GALNTL6: variants seen among roughly 807,000 people sequenced by gnomAD.
GALNTL6 encodes the protein polypeptide N-acetylgalactosaminyltransferase-like 6.
In GALNTL6, 46 loss-of-function variants were observed where a neutral mutation model predicts 73.7. The ratio of observed to expected loss-of-function variants is 0.62; its 90% CI spans 0.49 to 0.80. GALNTL6 has a LOEUF of 0.80. Ranked by LOEUF, GALNTL6 falls within the 30% of genes least tolerant of loss-of-function variation. The pLI is 0.00. For missense variants in GALNTL6, 604 were observed against 755.0 expected (o/e 0.80, Z 2.34); for synonymous variants, 259 against 263.7 (o/e 0.98, Z 0.17).
At chr4:172,180,235 T>G (rs1735195429) in intron 2 of GALNTL6, among the ~76,000 whole-genome samples, 1 of 152,160 alleles carries the variant, frequency 6.6e-6, no homozygotes, top group Admixed American at 6.5e-5. Context: ...TTGGCCACAT[T>G]AATGTTTTCT....
At chr4:171,834,186 T>G (rs72696929) in intron 2 of GALNTL6, among the ~76,000 whole-genome samples, 3,208 of 152,044 alleles carry the variant, frequency 0.021, 37 homozygotes, top group Middle Eastern at 0.038. Context: ...ATTCTAAGTA[T>G]AAGTATTTTC....
intron 4 of GALNTL6, 45 bp from the exon 5 acceptor site, chr4:172,348,478 A>C (rs1331291615): frequency 6.8e-7 from 1 of 1,475,890 alleles, no homozygotes; most frequent in African/African-American, 1.4e-5. Flanking sequence ...AAGATATACA[A>C]GAGTTTTGTA....
intron 2 of GALNTL6, among the ~76,000 whole-genome samples, chr4:172,130,135 G>C (rs1733446727): frequency 6.6e-6 from 1 of 150,914 alleles, no homozygotes; most frequent in South Asian, 2.1e-4. Context: ...CAAGGTGGGT[G>C]CCAGTCAGGT....
intron 3 of GALNTL6, among the ~76,000 whole-genome samples, chr4:172,255,214 T>G (rs912129478): frequency 2.0e-5 from 3 of 151,666 alleles, no homozygotes; most frequent in Non-Finnish European, 4.4e-5. Context: ...ACTGCTTAAT[T>G]TAGTCCTCAC....
chr4:172,586,536 A>G (rs943086413), intron 5 of GALNTL6, among the ~76,000 whole-genome samples: 1 of 152,042 alleles, frequency 6.6e-6, no homozygotes, highest in African/African-American at 2.4e-5. Context: ...CAGAATTGCT[A>G]AGAAAATATC....
intron 4 of GALNTL6, among the ~76,000 whole-genome samples, chr4:172,323,963 A>G (rs1363017840): frequency 1.3e-5 from 2 of 152,044 alleles, no homozygotes; most frequent in African/African-American, 4.8e-5. Flanking sequence ...TTGACACTCC[A>G]TCACTATTTC....
chr4:173,013,917 A>G (rs1250561121), intron 11 of GALNTL6, among the ~76,000 whole-genome samples: 1 of 152,220 alleles, frequency 6.6e-6, no homozygotes, highest in Non-Finnish European at 1.5e-5. Context: ...ACTCTTCTAC[A>G]TTTAGATTAA....
intron 2 of GALNTL6, among the ~76,000 whole-genome samples, chr4:171,919,773 C>T (rs747525777): frequency 7.9e-5 from 12 of 152,096 alleles, no homozygotes; most frequent in Non-Finnish European, 1.6e-4. Flanking sequence ...CCCAACACTA[C>T]GAAGGCCTTT....
chr4:172,403,943 A>G (rs1744127069), intron 5 of GALNTL6, among the ~76,000 whole-genome samples: 1 of 152,002 alleles, frequency 6.6e-6, no homozygotes. Context: ...GGAGAGGCAC[A>G]AAACTACCCA....
chr4:172,756,612 A>C, intron 5 of GALNTL6, among the ~76,000 whole-genome samples: 1 of 151,992 alleles, frequency 6.6e-6, no homozygotes, highest in Non-Finnish European at 1.5e-5. Flanking sequence ...GTCACTGCAC[A>C]CTACAGCCCG....
intron 2 of GALNTL6, among the ~76,000 whole-genome samples, chr4:171,874,902 A>T (rs1225143269): frequency 6.6e-6 from 1 of 152,342 alleles, no homozygotes; most frequent in Admixed American, 6.5e-5. Context: ...ATTATCAAAC[A>T]TCTATAGGGC....
At chr4:171,962,229 T>C (rs1739240543) in intron 2 of GALNTL6, among the ~76,000 whole-genome samples, 1 of 152,158 alleles carries the variant, frequency 6.6e-6, no homozygotes, top group Admixed American at 6.6e-5. Flanking sequence ...GAGAGAAATA[T>C]GTCAGAAGCA....
At chr4:172,203,363 A>G (rs1736015375) in intron 2 of GALNTL6, among the ~76,000 whole-genome samples, 1 of 152,214 alleles carries the variant, frequency 6.6e-6, no homozygotes, top group Admixed American at 6.5e-5. Context: ...CAAATTTGGC[A>G]GCGGAAACTT....
Position 172,402,803 on chromosome 4 carries a change from G to A in GALNTL6, c.553+54114G>A, listed in dbSNP as rs183743034. On this transcript the variant is annotated intron_variant, in intron 5 of 12. Coordinates refer to ENST00000506823, the MANE Select transcript of GALNTL6 (RefSeq NM_001034845.3). ...AGGTATCAGAATATTCAAAATAAGA[G>A]AAACGAAGTTGAGGGTGAAAAGGAA... is the stretch of plus-strand genomic sequence containing the variant. Among the ~76,000 whole-genome samples the A allele has an allele frequency of 8.7e-4, 132 of 152,098 alleles. 2 individuals are homozygous for A. Among genetic ancestry groups the A allele is most frequent in the African/African-American group, 3.1e-3 (129 of 41,528 alleles).
At chr4:172,864,937 C>T (rs749933037) in intron 7 of GALNTL6, among the ~76,000 whole-genome samples, 1 of 152,088 alleles carries the variant, frequency 6.6e-6, no homozygotes, top group African/African-American at 2.4e-5. Flanking sequence ...ATCAGGGGAA[C>T]AATAGCCATA....
intron 8 of GALNTL6, among the ~76,000 whole-genome samples, chr4:172,917,205 C>G (rs1441699066): frequency 6.6e-6 from 1 of 152,194 alleles, no homozygotes; most frequent in Non-Finnish European, 1.5e-5. Flanking sequence ...ATGCAGGAAG[C>G]TGAAACTTGA....
chr4:172,584,708 G>A (rs1174095509), intron 5 of GALNTL6, among the ~76,000 whole-genome samples: 1 of 152,204 alleles, frequency 6.6e-6, no homozygotes, highest in African/African-American at 2.4e-5. Flanking sequence ...AATGAATTCA[G>A]TTTTGAACTA....
intron 2 of GALNTL6, among the ~76,000 whole-genome samples, chr4:171,973,831 GT>G (rs1414195626): frequency 3.3e-5 from 5 of 152,070 alleles, no homozygotes; most frequent in African/African-American, 1.2e-4. Context: ...ATGGTACCAA[GT>G]TTTCTTTTAA....
chr4:171,918,780 G>C (rs1342825489), intron 2 of GALNTL6, among the ~76,000 whole-genome samples: 23 of 151,968 alleles, frequency 1.5e-4, no homozygotes, highest in Non-Finnish European at 1.5e-5. Context: ...AAATATGTTA[G>C]ATACAAATCA....
Sources: gnomAD v4.1 joint callset for allele counts (sites outside exome capture counted in the v4.1 genomes callset) on GRCh38, gnomAD v4.1.1 for gene constraint, MANE v1.5 for transcripts, NCBI Gene and HGNC (gene_info 2026-07-23, HGNC 2026-07-21) for gene names.